SUPT20H: variants seen among roughly 807,000 people sequenced by gnomAD.
SUPT20H encodes the protein SPT20 homolog, SAGA complex component.
SUPT20H carries 82 observed loss-of-function variants against 122.8 expected under a neutral mutation model. The ratio of observed to expected loss-of-function variants is 0.67; its 90% CI spans 0.56 to 0.80. The LOEUF (loss-of-function observed/expected upper bound fraction) is 0.80, where lower values mean the gene tolerates loss of function less well. Among genes scored for constraint, SUPT20H ranks in the 30% least tolerant of loss-of-function variants. The probability of loss-of-function intolerance (pLI) is 0.00; values close to 1 mark genes in which losing one functional copy is unlikely to be tolerated. For synonymous variants in SUPT20H, 291 were observed against 313.0 expected, an observed-to-expected ratio of 0.93 and a Z score of 0.74; for missense variants, 831 against 921.6, an observed-to-expected ratio of 0.90 and a Z score of 1.27.
At chr13:37,053,525 G>T (rs1224544042) in intron 1 of SUPT20H, among the ~76,000 whole-genome samples, 3 of 151,942 alleles carry the variant, frequency 2.0e-5, no homozygotes, top group East Asian at 1.9e-4. Flanking sequence ...GCCTGTTGGG[G>T]GGTTGGGGGA....
chr13:37,017,522 A>G (rs1322382820), intron 22 of SUPT20H, among the ~76,000 whole-genome samples, 158 bp from the exon 23 acceptor site: 1 of 152,238 alleles, frequency 6.6e-6, no homozygotes, highest in Non-Finnish European at 1.5e-5. Context: ...CCCTTAAAAA[A>G]AAGACCTATT....
intron 1 of SUPT20H, among the ~76,000 whole-genome samples, chr13:37,058,905 G>A (rs1436105060): frequency 1.3e-5 from 2 of 152,144 alleles, no homozygotes; most frequent in Non-Finnish European, 2.9e-5. Flanking sequence ...CAAGTACACT[G>A]TACTCGACTC....
At chr13:37,047,801 C>T in intron 4 of SUPT20H, 77 bp downstream of exon 4, 1 of 1,424,628 alleles carries the variant, frequency 7.0e-7, no homozygotes, top group South Asian at 1.4e-5. Context: ...TAGCTCAGTC[C>T]CTACGAGGAA....
chr13:37,034,026 G>A (rs1450407269), intron 9 of SUPT20H, among the ~76,000 whole-genome samples: 1 of 152,156 alleles, frequency 6.6e-6, no homozygotes, highest in Admixed American at 6.5e-5. Flanking sequence ...AATGATGTAT[G>A]TTCTCTGACA....
intron 1 of SUPT20H, among the ~76,000 whole-genome samples, chr13:37,057,875 G>C (rs1181654011): frequency 6.6e-6 from 1 of 151,268 alleles, no homozygotes; most frequent in Non-Finnish European, 1.5e-5. Flanking sequence ...TCAGGAGGCT[G>C]AGGCAAGAGA....
intron 7 of SUPT20H, 31 bp downstream of exon 7, chr13:37,044,047 T>G: frequency 6.9e-7 from 1 of 1,440,098 alleles, no homozygotes; most frequent in Non-Finnish European, 9.7e-7. Context: ...ATAACAAATA[T>G]AAAGACATTT....
intron 6 of SUPT20H, among the ~76,000 whole-genome samples, chr13:37,044,883 A>C (rs957164282): frequency 3.2e-4 from 48 of 152,184 alleles, no homozygotes; most frequent in African/African-American, 1.1e-3. Context: ...TTAAAATATA[A>C]ATAGCAATAG....
chr13:37,048,598 T>G lies in SUPT20H; in HGVS notation c.5A>C (p.Gln2Pro), dbSNP rs889147910. The G allele has an allele frequency of 2.5e-6, 4 of 1,598,490 alleles. No homozygotes were observed. The Admixed American group carries it at 7.0e-5, about 28-fold the overall frequency. ...ATCCAAAGCTAGTTCTAAAGCTTGT[T>G]GCTGTAAAAAGTAAATAGTATATTT... M[Q>P]QALELALDRA... The change falls in exon 3 of 26, where the codon CAA becomes CCA. Residue 2 changes from glutamine to proline, a missense_variant and splice_region_variant. Coordinates refer to ENST00000350612, the MANE Select transcript of SUPT20H (RefSeq NM_001014286.3).
intron 10 of SUPT20H, among the ~76,000 whole-genome samples, chr13:37,033,231 T>C (rs1287580817): frequency 6.6e-6 from 1 of 150,784 alleles, no homozygotes; most frequent in African/African-American, 2.4e-5. Context: ...GCTGGTGCAG[T>C]TGGTCATGCT....
At chr13:37,021,195 T>C (rs2061417123) in intron 21 of SUPT20H, among the ~76,000 whole-genome samples, 1 of 152,150 alleles carries the variant, frequency 6.6e-6, no homozygotes. Flanking sequence ...CAAAATTAAT[T>C]TTGTTATTTG....
Position 37,009,386 on chromosome 13 carries a change from C to A in SUPT20H, c.*286G>T. 2 of 771,892 alleles carry A rather than the reference C, an allele frequency of 2.6e-6. No individual in the cohort carries two copies. The highest frequency in any genetic ancestry group is 4.3e-6 in the Non-Finnish European group (2 of 468,556). The allele number at this position is 771,892 out of a possible 1,614,324, so 47.8% of individuals were successfully genotyped here. A position where few individuals can be genotyped will look rare whatever the true frequency, so the allele number is the denominator to read the frequency against. ...CGTTTTATACTAAATAAATATCAAA[C>A]TACATTCTTCTGAAAGATGTTTCTA... On this transcript the variant is annotated 3_prime_UTR_variant, in exon 26 of 26. Transcript: ENST00000350612.
At chr13:37,026,139 T>C in intron 16 of SUPT20H, 65 bp downstream of exon 16, 1 of 1,357,286 alleles carries the variant, frequency 7.4e-7, no homozygotes, top group Non-Finnish European at 1.0e-6. Flanking sequence ...GTATTCTCTA[T>C]CCTATAAGGG....
At position 37,034,246 on chromosome 13, in the gene SUPT20H, C is replaced by A. The variant is rs552712647; in HGVS notation, c.568-658G>T. 2.6e-5 allele frequency among the ~76,000 whole-genome samples: 4 copies of A among 152,292 alleles called. No homozygotes were observed. In the South Asian group the frequency reaches 8.3e-4, roughly 32 times the overall value. ...AGTGAGAAAGGCCTATAAACAGCTA[C>A]AACAGGCCAAAAGCTAGGCCTATGG... On this transcript the variant is annotated intron_variant, in intron 9 of 25. Transcript: ENST00000350612.
intron 1 of SUPT20H, among the ~76,000 whole-genome samples, chr13:37,058,571 A>C (rs1011189004): frequency 1.3e-5 from 2 of 152,218 alleles, no homozygotes; most frequent in Non-Finnish European, 2.9e-5. Context: ...ATAACTTCAT[A>C]TCTCTCACAA....
Position 37,009,340 on chromosome 13 carries a change from TTTG to T in SUPT20H, c.*329_*331del. On this transcript the variant is annotated 3_prime_UTR_variant, in exon 26 of 26. Coordinates refer to ENST00000350612, the MANE Select transcript of SUPT20H (RefSeq NM_001014286.3). ...TCAAAACAGATTTGTAAAAATTGTATTTGTTAACACTGTGCACAAACGTTTTAT... is the reference window on the plus strand; with the variant it reads ...TCAAAACAGATTTGTAAAAATTGTATTTAACACTGTGCACAAACGTTTTAT... 8.6e-7 allele frequency: 1 copy of T among 1,162,950 alleles called. No homozygotes were observed. The highest frequency in any genetic ancestry group is 1.3e-6 in the Non-Finnish European group (1 of 781,626). 72.0% of individuals were successfully genotyped at this position (1,162,950 alleles called of 1,614,324 possible).
chr13:37,028,972 T>C (rs1214740177), intron 13 of SUPT20H, among the ~76,000 whole-genome samples: 2 of 151,724 alleles, frequency 1.3e-5, no homozygotes, highest in African/African-American at 4.8e-5. Flanking sequence ...AGGATAAAAC[T>C]TTCAAAAGCA....
chr13:37,039,214 T>C (rs972734067), intron 9 of SUPT20H: 1 of 152,172 alleles, frequency 6.6e-6, no homozygotes, highest in African/African-American at 2.4e-5. Flanking sequence ...TAAAGTTGAG[T>C]AAACTTTCCA....
At chr13:37,012,478 G>T in intron 23 of SUPT20H, 181 bp from the exon 24 acceptor site, 1 of 460,410 alleles carries the variant, frequency 2.2e-6, no homozygotes, top group Non-Finnish European at 3.9e-6. Flanking sequence ...TATGGTATTT[G>T]AACAAAGAAA....
intron 22 of SUPT20H, among the ~76,000 whole-genome samples, chr13:37,018,480 C>A (rs1233952031): frequency 6.6e-6 from 1 of 152,128 alleles, no homozygotes; most frequent in African/African-American, 2.4e-5. Context: ...TTTGTTAATC[C>A]TGAATACCAG....
Sources: gnomAD v4.1 joint callset for allele counts (sites outside exome capture counted in the v4.1 genomes callset) on GRCh38, gnomAD v4.1.1 for gene constraint, MANE v1.5 for transcripts, NCBI Gene and HGNC (gene_info 2026-07-23, HGNC 2026-07-21) for gene names.